The following RRN3 variants were observed in gnomAD, a reference collection of about 807,000 sequenced individuals.
RRN3 encodes RNA polymerase I transcription factor RRN3.
Under a neutral mutation model 82.3 loss-of-function variants are expected in RRN3, and 38 were observed. The ratio of observed to expected loss-of-function variants is 0.46; its 90% confidence interval spans 0.36 to 0.61. RRN3 has a LOEUF of 0.61. RRN3 is among the 20% of genes least tolerant of loss of function. The pLI is 0.00. For synonymous variants in RRN3, 284 were observed against 284.3 expected (o/e 1.00, Z 0.01); for missense variants, 726 against 793.1 (o/e 0.92, Z 1.02).
intron 8 of RRN3, among the ~76,000 whole-genome samples, chr16:15,080,529 G>C (rs1321638012): frequency 6.6e-6 from 1 of 152,154 alleles, no homozygotes; most frequent in Non-Finnish European, 1.5e-5. Flanking sequence ...TGAATTCCCA[G>C]GATAAGCAAT....
At chr16:15,071,559 G>A (rs1245939685) in intron 12 of RRN3, among the ~76,000 whole-genome samples, 6 of 152,180 alleles carry the variant, frequency 3.9e-5, no homozygotes, top group Non-Finnish European at 7.3e-5. Context: ...CCCAAGGTCA[G>A]GAGCTCGAGA....
chr16:15,080,514 A>G (rs1234247811), intron 8 of RRN3, among the ~76,000 whole-genome samples: 2 of 152,178 alleles, frequency 1.3e-5, no homozygotes, highest in Admixed American at 1.3e-4. Context: ...AGCTCACTGC[A>G]ACCCTGAATT....
rs1397061636 is a variant in RRN3, at chr16:15,092,512, T to A, written c.192A>T (p.Lys64Asn). 6.2e-7 allele frequency: 1 copy of A among 1,605,588 alleles called. No individual in the cohort carries two copies. ...CTCACACATTATCTCCCCTTACCTT[T>A]TTGTACTTCAGCAAGACTTCTGTCA... ...GTVTEVLLKY[K>N]KGETNDFELL... Residue 64 changes from lysine (K) to asparagine (N), a missense_variant, in exon 2 of 18, where the codon AAA (lysine) becomes AAT (asparagine). Physicochemically the swap from Lys to Asn is moderately conservative, Grantham distance 94 (BLOSUM62 0). This residue lies in a region of RRN3 where 135 missense variants were observed against 87.4 expected (regional missense o/e 1.55). Coordinates refer to ENST00000198767, the MANE Select transcript of RRN3 (RefSeq NM_018427.5).
chr16:15,074,458 A>T (rs2045367115), intron 11 of RRN3, among the ~76,000 whole-genome samples: 2 of 152,212 alleles, frequency 1.3e-5, no homozygotes, highest in African/African-American at 2.4e-5. Flanking sequence ...AATTTGATCT[A>T]AAACTGGCCA....
intron 13 of RRN3, 71 bp from the exon 14 acceptor site, chr16:15,070,325 C>T (rs547182358): frequency 3.0e-5 from 47 of 1,548,010 alleles, no homozygotes; most frequent in African/African-American, 1.1e-4. Flanking sequence ...AAACACACAA[C>T]TGCCTTTCAT....
intron 9 of RRN3, among the ~76,000 whole-genome samples, chr16:15,077,670 T>C (rs1301253536): frequency 6.6e-6 from 1 of 152,110 alleles, no homozygotes; most frequent in African/African-American, 2.4e-5. Context: ...TGAAACCCCA[T>C]CTCTACTAAA....
intron 14 of RRN3, among the ~76,000 whole-genome samples, chr16:15,069,477 G>A (rs1316710231): frequency 1.3e-5 from 2 of 152,164 alleles, no homozygotes; most frequent in African/African-American, 2.4e-5. Flanking sequence ...AATCTAATAA[G>A]TTTCAACTGA....
chr16:15,076,173 T>A (rs2045447080), intron 10 of RRN3, among the ~76,000 whole-genome samples: 2 of 152,076 alleles, frequency 1.3e-5, no homozygotes, highest in Admixed American at 6.5e-5. Context: ...AGACTCTCCT[T>A]CCACTGAACC....
At chr16:15,072,526 G>A (rs1474837120) in intron 12 of RRN3, among the ~76,000 whole-genome samples, 2 of 152,118 alleles carry the variant, frequency 1.3e-5, no homozygotes, top group Non-Finnish European at 2.9e-5. Context: ...CGTGGGCCAG[G>A]CACAGTTGTT....
chr16:15,093,945 T>A, intron 1 of RRN3, 200 bp downstream of exon 1: 1 of 603,896 alleles, frequency 1.7e-6, no homozygotes, highest in Non-Finnish European at 2.9e-6. Flanking sequence ...ACAGAGAACA[T>A]AGTCACTTTT....
chr16:15,080,148 C>T (rs1213728425), intron 8 of RRN3, 52 bp from the exon 9 acceptor site: 2 of 1,534,502 alleles, frequency 1.3e-6, no homozygotes, highest in Non-Finnish European at 1.7e-6. Flanking sequence ...AAACGTTTCA[C>T]AGTTATGTAA....
intron 13 of RRN3, 56 bp from the exon 14 acceptor site, chr16:15,070,310 CAT>C: frequency 6.3e-7 from 1 of 1,592,902 alleles, no homozygotes; most frequent in Non-Finnish European, 8.6e-7. Flanking sequence ...ACCAGAATAA[CAT>C]AAAAACACAC....
At chr16:15,073,922 T>C (rs1357423109) in intron 11 of RRN3, among the ~76,000 whole-genome samples, 3 of 152,138 alleles carry the variant, frequency 2.0e-5, no homozygotes, top group African/African-American at 7.2e-5. Flanking sequence ...CAGGCAATGA[T>C]ATGAGAAAAT....
At chr16:15,064,639 GAAAAACA>G (rs1466241296) in intron 16 of RRN3, among the ~76,000 whole-genome samples, 4 of 152,142 alleles carry the variant, frequency 2.6e-5, no homozygotes, top group Admixed American at 6.5e-5. Context: ...ACAGTTTAAA[GAAAAACA>G]AAAAACAAAA....
Position 15,084,691 on chromosome 16 carries a change from A to C in RRN3, c.547T>G (p.Phe183Val). The C allele has an allele frequency of 6.2e-7, 1 of 1,613,016 alleles. No individual in the cohort carries two copies. The highest frequency in any genetic ancestry group is 8.5e-7 in the Non-Finnish European group (1 of 1,179,022). ...DDEDDNLPANFDTCHRALQII... is the reference protein window; with the variant it reads ...DDEDDNLPANVDTCHRALQII... Reference sequence around the variant, plus strand: ...TGCAAGGCTCTGTGACATGTGTCAAAATTTGCAGGAAGATCTGAAAGGAGA... The same window carrying C: ...TGCAAGGCTCTGTGACATGTGTCAACATTTGCAGGAAGATCTGAAAGGAGA... Residue 183 changes from phenylalanine to valine, a missense_variant, in exon 7 of 18, where the codon TTT becomes GTT. By Grantham distance (50) the Phe-to-Val change is conservative. This residue lies in a region of RRN3 where 344 missense variants were observed against 394.5 expected (regional missense o/e 0.87). Coordinates refer to ENST00000198767, the MANE Select transcript of RRN3 (RefSeq NM_018427.5).
rs560201472 is a variant in RRN3, at chr16:15,080,105, G to A, written c.667-9C>T. The A allele has an allele frequency of 2.3e-4, 369 of 1,589,400 alleles. 5 individuals are homozygous for A. In the South Asian group the frequency reaches 4.2e-3, roughly 18 times the overall value. ...TTATGAACGTAACATTCCTAAAGGAGAAAATGTAAGATAAAACATTTCAAC... is the reference window on the plus strand; with the variant it reads ...TTATGAACGTAACATTCCTAAAGGAAAAAATGTAAGATAAAACATTTCAAC... On this transcript the variant is annotated splice_polypyrimidine_tract_variant and intron_variant, in intron 8 of 17. Transcript: ENST00000198767.
intron 3 of RRN3, among the ~76,000 whole-genome samples, chr16:15,089,342 C>A (rs1324428272): frequency 6.6e-6 from 1 of 152,038 alleles, no homozygotes; most frequent in Non-Finnish European, 1.5e-5. Flanking sequence ...CAAGAGCAAT[C>A]TTGGCTACAG....
chr16:15,075,151 G>A (rs1337978254), intron 10 of RRN3, among the ~76,000 whole-genome samples: 1 of 151,032 alleles, frequency 6.6e-6, no homozygotes, highest in African/African-American at 2.4e-5. Context: ...TCAGGAGGCA[G>A]AGGCAGGAAA....
intron 1 of RRN3, chr16:15,093,853 G>A (rs1431954748): frequency 8.8e-6 from 4 of 457,098 alleles, no homozygotes; most frequent in African/African-American, 8.3e-5. Flanking sequence ...GAAGAGGGAA[G>A]GAAGAGGGGT....
Sources: gnomAD v4.1 joint callset for allele counts (sites outside exome capture counted in the v4.1 genomes callset) on GRCh38, gnomAD v4.1.1 for gene constraint, gnomAD v4.1.1 regional missense constraint, MANE v1.5 for transcripts, NCBI Gene and HGNC (gene_info 2026-07-23, HGNC 2026-07-21) for gene names.